Variants in RIMS2 observed in about 807,000 individuals in gnomAD.
RIMS2 encodes regulating synaptic membrane exocytosis 2.
RIMS2 carries 59 observed loss-of-function variants against 174.4 expected under a neutral mutation model. That is an observed-to-expected ratio of 0.34 (90% confidence interval 0.27 to 0.42). The LOEUF (loss-of-function observed/expected upper bound fraction) is 0.42, where lower values mean the gene tolerates loss of function less well. RIMS2 is among the 10% of genes least tolerant of loss of function. RIMS2 has a pLI of 1.00. For missense variants in RIMS2, 1,620 were observed against 1,666.3 expected (o/e 0.97, Z 0.48); for synonymous variants, 606 against 572.5 (o/e 1.06, Z -0.84).
At chr8:103,528,504 C>T (rs543388904) in intron 1 of RIMS2, among the ~76,000 whole-genome samples, 2 of 152,158 alleles carry the variant, frequency 1.3e-5, no homozygotes, top group African/African-American at 4.8e-5. Context: ...AGGTTTTCTT[C>T]TAGAGTTTTT....
intron 17 of RIMS2, among the ~76,000 whole-genome samples, chr8:104,001,934 C>T (rs1176367956): frequency 2.0e-5 from 3 of 151,996 alleles, no homozygotes; most frequent in African/African-American, 4.8e-5. Context: ...GATTTTAGAA[C>T]CTGGCTGTAG....
At chr8:103,786,451 A>T (rs531928027) in intron 3 of RIMS2, among the ~76,000 whole-genome samples, 2 of 151,910 alleles carry the variant, frequency 1.3e-5, no homozygotes, top group African/African-American at 4.8e-5. Context: ...AATGCGTCCC[A>T]GAGATTCTGG....
chr8:103,552,909 C>G (rs1489159267), intron 1 of RIMS2, among the ~76,000 whole-genome samples: 3 of 152,114 alleles, frequency 2.0e-5, no homozygotes, highest in Non-Finnish European at 4.4e-5. Context: ...CCATCTCACA[C>G]CAGTTAGAAT....
intron 2 of RIMS2, among the ~76,000 whole-genome samples, chr8:103,721,144 C>T (rs1324002382): frequency 6.6e-6 from 1 of 152,064 alleles, no homozygotes; most frequent in African/African-American, 2.4e-5. Context: ...TTGCTCTGGC[C>T]ATGTAAGATG....
At chr8:104,127,456 G>A (rs926478027) in intron 19 of RIMS2, among the ~76,000 whole-genome samples, 1 of 152,062 alleles carries the variant, frequency 6.6e-6, no homozygotes, top group African/African-American at 2.4e-5. Flanking sequence ...GAATGAATAG[G>A]CAAATCAATG....
chr8:104,117,767 T>C (rs1262294900), intron 19 of RIMS2, among the ~76,000 whole-genome samples: 1 of 152,248 alleles, frequency 6.6e-6, no homozygotes, highest in African/African-American at 2.4e-5. Context: ...AATATCTTAA[T>C]GTATATATTT....
At chr8:104,066,915 T>A (rs796122620) in intron 19 of RIMS2, among the ~76,000 whole-genome samples, 9 of 152,304 alleles carry the variant, frequency 5.9e-5, no homozygotes, top group African/African-American at 2.2e-4. Flanking sequence ...TTCATATTAT[T>A]TTCATTAAAC....
At chr8:103,581,335 T>C (rs1440917026) in intron 1 of RIMS2, among the ~76,000 whole-genome samples, 1 of 152,110 alleles carries the variant, frequency 6.6e-6, no homozygotes, top group Non-Finnish European at 1.5e-5. Context: ...CATATGTAAA[T>C]GAATAATACA....
chr8:103,885,588 A>G lies in RIMS2; in HGVS notation c.989A>G (p.Gln330Arg), dbSNP rs748229985. ...AGGCAAAGGAGAGAGGAAGAGTACC[A>G]GTCACGCTACCGAAGTGATCCGAAT... is the stretch of plus-strand genomic sequence containing the variant. Residue 330 changes from glutamine (Q) to arginine (R), a missense_variant, in exon 4 of 24, where the codon CAG becomes CGG. Physicochemically the swap from Gln to Arg is conservative, Grantham distance 43. Transcript: ENST00000504942. 9.3e-6 allele frequency: 15 copies of G among 1,613,042 alleles called. No individual in the cohort carries two copies. In the South Asian group the frequency reaches 1.4e-4, roughly 15 times the overall value.
intron 19 of RIMS2, among the ~76,000 whole-genome samples, chr8:104,036,371 T>C (rs1478348114): frequency 6.6e-6 from 1 of 151,452 alleles, no homozygotes; most frequent in Non-Finnish European, 1.5e-5. Flanking sequence ...CAGGATGGTC[T>C]CTATCTCCTG....
intron 19 of RIMS2, among the ~76,000 whole-genome samples, chr8:104,188,602 G>A (rs1040656667): frequency 1.3e-5 from 2 of 151,776 alleles, no homozygotes; most frequent in Non-Finnish European, 2.9e-5. Flanking sequence ...TAGGCATTGT[G>A]CAGAGATGTA....
intron 1 of RIMS2, among the ~76,000 whole-genome samples, chr8:103,656,982 G>A (rs2096539407): frequency 6.6e-6 from 1 of 152,130 alleles, no homozygotes; most frequent in African/African-American, 2.4e-5. Flanking sequence ...GGAGGGGAAA[G>A]TAACCATTCT....
chr8:104,056,284 G>T (rs1597877438), intron 19 of RIMS2, among the ~76,000 whole-genome samples: 2 of 151,698 alleles, frequency 1.3e-5, no homozygotes, highest in African/African-American at 4.8e-5. Context: ...CGTGTCTGTA[G>T]TCCCACTTAC....
intron 1 of RIMS2, among the ~76,000 whole-genome samples, chr8:103,570,044 G>A (rs968269069): frequency 6.6e-6 from 1 of 152,176 alleles, no homozygotes; most frequent in East Asian, 1.9e-4. Context: ...CCTGCAATTA[G>A]TTTTAATCTA....
At chr8:103,745,178 C>T (rs1424729160) in intron 2 of RIMS2, among the ~76,000 whole-genome samples, 2 of 152,196 alleles carry the variant, frequency 1.3e-5, no homozygotes, top group Admixed American at 1.3e-4. Flanking sequence ...CATTAGTAGT[C>T]ACTCCCTTAC....
At chr8:103,628,826 A>C (rs1033022421) in intron 1 of RIMS2, among the ~76,000 whole-genome samples, 2 of 151,520 alleles carry the variant, frequency 1.3e-5, no homozygotes, top group Non-Finnish European at 2.9e-5. Context: ...AAGGACAGCC[A>C]ACAGAACAAA....
chr8:104,151,738 A>C (rs1381468322), intron 19 of RIMS2, among the ~76,000 whole-genome samples: 1 of 152,250 alleles, frequency 6.6e-6, no homozygotes, highest in African/African-American at 2.4e-5. Flanking sequence ...GCAGGGACAT[A>C]AATCTGAGAG....
intron 3 of RIMS2, among the ~76,000 whole-genome samples, chr8:103,784,216 G>A (rs1236923338): frequency 2.7e-5 from 4 of 149,528 alleles, no homozygotes; most frequent in African/African-American, 9.8e-5. Flanking sequence ...CATTTTGTAG[G>A]TTGCCTGTTC....
chr8:104,216,332 G>T (rs1000318854), intron 19 of RIMS2, among the ~76,000 whole-genome samples: 12 of 152,150 alleles, frequency 7.9e-5, no homozygotes, highest in Non-Finnish European at 1.8e-4. Flanking sequence ...GACCAGCCTG[G>T]GCAACATGGT....
Sources: gnomAD v4.1 joint callset for allele counts (sites outside exome capture counted in the v4.1 genomes callset) on GRCh38, gnomAD v4.1.1 for gene constraint, MANE v1.5 for transcripts, NCBI Gene and HGNC (gene_info 2026-07-23, HGNC 2026-07-21) for gene names.